PDE4B: variants seen among roughly 807,000 people sequenced by gnomAD.
PDE4B encodes the protein 3',5'-cyclic-AMP phosphodiesterase 4B.
A neutral mutation model predicts 82.2 loss-of-function variants in PDE4B; 20 were observed. The observed-to-expected ratio is 0.24, with a 90% CI of 0.17 to 0.35. The LOEUF is 0.35. Ranked by LOEUF, PDE4B falls within the 10% of genes least tolerant of loss-of-function variation. The pLI is 1.00. For synonymous variants in PDE4B, 320 were observed against 318.9 expected, an observed-to-expected ratio of 1.00 and a Z score of -0.04; for missense variants, 655 against 907.2, an observed-to-expected ratio of 0.72 and a Z score of 3.57.
intron 3 of PDE4B, among the ~76,000 whole-genome samples, chr1:66,034,796 T>C (rs529561597): frequency 1.3e-5 from 2 of 152,322 alleles, no homozygotes; most frequent in Admixed American, 1.3e-4. Flanking sequence ...TTTGGCTCTG[T>C]CTGCCCTGAC....
chr1:65,912,529 C>T (rs574111696), intron 1 of PDE4B, among the ~76,000 whole-genome samples: 10 of 152,268 alleles, frequency 6.6e-5, no homozygotes, highest in Middle Eastern at 3.4e-3. Flanking sequence ...CTACACAAAG[C>T]CAATGTCATG....
At chr1:66,002,891 A>G (rs968760148) in intron 3 of PDE4B, among the ~76,000 whole-genome samples, 2 of 152,158 alleles carry the variant, frequency 1.3e-5, no homozygotes, top group Non-Finnish European at 2.9e-5. Context: ...AAAAATATCT[A>G]CCTAGACTGT....
chr1:66,243,114 A>G (rs1055761540), intron 3 of PDE4B, among the ~76,000 whole-genome samples: 1 of 152,244 alleles, frequency 6.6e-6, no homozygotes, highest in Non-Finnish European at 1.5e-5. Context: ...TGTTTTGCTC[A>G]GGGAGAACAT....
At chr1:66,040,293 C>G (rs1654297894) in intron 3 of PDE4B, among the ~76,000 whole-genome samples, 1 of 151,986 alleles carries the variant, frequency 6.6e-6, no homozygotes, top group Non-Finnish European at 1.5e-5. Flanking sequence ...AACAATAACC[C>G]TATTTTATTT....
chr1:66,061,537 T>C (rs915732339), intron 3 of PDE4B, among the ~76,000 whole-genome samples: 2 of 152,048 alleles, frequency 1.3e-5, no homozygotes, highest in Non-Finnish European at 2.9e-5. Flanking sequence ...AATTATGAGA[T>C]ATTTTTCTTT....
chr1:66,079,958 T>C (rs911473028), intron 3 of PDE4B, among the ~76,000 whole-genome samples: 2 of 152,154 alleles, frequency 1.3e-5, no homozygotes, highest in African/African-American at 4.8e-5. Flanking sequence ...TTAAATGGCC[T>C]GCTGTTTTAA....
chr1:65,798,238 CTTTTTTTTTTTTT>C (rs781315273), intron 1 of PDE4B, among the ~76,000 whole-genome samples: 2 of 22,670 alleles, frequency 8.8e-5, no homozygotes, highest in Non-Finnish European at 1.3e-4. Context: ...CCAGGCTAGT[CTTTTTTTTTTTTT>C]TTTTTTTTTT....
At chr1:65,855,140 C>G (rs893423627) in intron 1 of PDE4B, among the ~76,000 whole-genome samples, 2 of 148,650 alleles carry the variant, frequency 1.3e-5, no homozygotes, top group Non-Finnish European at 3.0e-5. Context: ...CTTATTTAAG[C>G]AGATATTATA....
At chr1:66,004,601 A>T (rs937135098) in intron 3 of PDE4B, among the ~76,000 whole-genome samples, 6 of 152,142 alleles carry the variant, frequency 3.9e-5, no homozygotes, top group Admixed American at 3.9e-4. Context: ...GAAACTATTA[A>T]TAGATACCAA....
chr1:66,022,258 G>A (rs1212732396), intron 3 of PDE4B, among the ~76,000 whole-genome samples: 2 of 152,124 alleles, frequency 1.3e-5, no homozygotes, highest in Non-Finnish European at 2.9e-5. Context: ...CTGCAAACAG[G>A]GACAATTTGA....
chr1:65,992,076 A>G (rs752170325), intron 3 of PDE4B, among the ~76,000 whole-genome samples: 2 of 152,144 alleles, frequency 1.3e-5, no homozygotes, highest in East Asian at 1.9e-4. Context: ...ACCAAATCCA[A>G]TGTTTTCCTG....
intron 3 of PDE4B, among the ~76,000 whole-genome samples, chr1:66,066,732 C>T (rs574414827): frequency 8.5e-5 from 13 of 152,052 alleles, no homozygotes; most frequent in African/African-American, 3.1e-4. Flanking sequence ...CCCCACTAAT[C>T]TCCTGAAGGC....
chr1:66,319,877 G>T (rs1659280195), intron 7 of PDE4B, among the ~76,000 whole-genome samples: 2 of 152,104 alleles, frequency 1.3e-5, no homozygotes, highest in African/African-American at 2.4e-5. Context: ...AGTTTCCAAT[G>T]GTTCCTTCTT....
At chr1:66,142,544 C>A (rs1156663724) in intron 3 of PDE4B, among the ~76,000 whole-genome samples, 1 of 151,874 alleles carries the variant, frequency 6.6e-6, no homozygotes, top group Admixed American at 6.6e-5. Context: ...AGAAAGCAAG[C>A]ATAATAGAGT....
chr1:65,983,190 G>A (rs1006012636), intron 3 of PDE4B, among the ~76,000 whole-genome samples: 1 of 152,192 alleles, frequency 6.6e-6, no homozygotes, highest in East Asian at 1.9e-4. Context: ...ATAACTCATT[G>A]TCTGGATTTA....
At chr1:66,051,262 T>C (rs975644903) in intron 3 of PDE4B, among the ~76,000 whole-genome samples, 2 of 151,984 alleles carry the variant, frequency 1.3e-5, no homozygotes, top group African/African-American at 4.8e-5. Flanking sequence ...AGTGAAAGTA[T>C]TGAAGATTGT....
At chr1:66,305,407 TA>T (rs112458469) in intron 7 of PDE4B, among the ~76,000 whole-genome samples, 5,536 of 152,262 alleles carry the variant, frequency 0.036, 116 homozygotes, top group Middle Eastern at 0.068. Flanking sequence ...GATGCCTAGT[TA>T]AATTTGAATT....
chr1:66,044,175 T>G (rs1230332762), intron 3 of PDE4B, among the ~76,000 whole-genome samples: 1 of 151,536 alleles, frequency 6.6e-6, no homozygotes, highest in Non-Finnish European at 1.5e-5. Context: ...TGAAAAGGGG[T>G]GAATTTAGGA....
At chr1:66,067,949 TG>T (rs1655948995) in intron 3 of PDE4B, among the ~76,000 whole-genome samples, 1 of 58,482 alleles carries the variant, frequency 1.7e-5, no homozygotes, top group Admixed American at 1.9e-4. Flanking sequence ...TGTTGTGGGG[TG>T]GGGGGAGGGG....
Sources: gnomAD v4.1 joint callset for allele counts (sites outside exome capture counted in the v4.1 genomes callset) on GRCh38, gnomAD v4.1.1 for gene constraint, MANE v1.5 for transcripts, NCBI Gene and HGNC (gene_info 2026-07-23, HGNC 2026-07-21) for gene names.